The following CEP128 variants were observed in gnomAD, a reference collection of about 807,000 sequenced individuals.
CEP128 encodes the protein centrosomal protein 128, also known as centrosomal protein 128kDa.
Under a neutral mutation model 156.7 loss-of-function variants are expected in CEP128, and 132 were observed. That is an observed-to-expected ratio of 0.84 (90% CI 0.73 to 0.97). The LOEUF is 0.97. Ranked by LOEUF, CEP128 falls within the 50% of genes least tolerant of loss-of-function variation. The probability of loss-of-function intolerance (pLI) is 0.00; values close to 1 mark genes in which losing one functional copy is unlikely to be tolerated. For synonymous variants in CEP128, 469 were observed against 448.9 expected (o/e 1.04, Z -0.57); for missense variants, 1,252 against 1,281.9 (o/e 0.98, Z 0.36).
intron 19 of CEP128, among the ~76,000 whole-genome samples, chr14:80,669,662 T>G (rs986518125): frequency 5.3e-5 from 8 of 152,030 alleles, no homozygotes; most frequent in Admixed American, 2.6e-4. Context: ...AGTCAAAAAA[T>G]AGCAATGTTG....
intron 19 of CEP128, among the ~76,000 whole-genome samples, chr14:80,637,905 T>C (rs1894255328): frequency 6.6e-6 from 1 of 152,114 alleles, no homozygotes; most frequent in African/African-American, 2.4e-5. Context: ...ATGCCAGCAG[T>C]CACCAGATGC....
chr14:80,575,076 A>G (rs1413871436), intron 20 of CEP128, among the ~76,000 whole-genome samples: 1 of 149,694 alleles, frequency 6.7e-6, no homozygotes, highest in Admixed American at 6.7e-5. Flanking sequence ...ACATATTTTT[A>G]TATATTTTAT....
chr14:80,913,834 G>T (rs1884391523), intron 4 of CEP128, among the ~76,000 whole-genome samples: 1 of 152,106 alleles, frequency 6.6e-6, no homozygotes, highest in African/African-American at 2.4e-5. Context: ...ACACTATTTG[G>T]ATGACAGGTG....
At chr14:80,818,390 A>T (rs1884983365) in intron 13 of CEP128, among the ~76,000 whole-genome samples, 1 of 152,250 alleles carries the variant, frequency 6.6e-6, no homozygotes, top group Non-Finnish European at 1.5e-5. Flanking sequence ...ACAGATCAAC[A>T]AAAACTCAGA....
chr14:80,817,158 G>T (rs764524892), intron 13 of CEP128, among the ~76,000 whole-genome samples: 1 of 152,114 alleles, frequency 6.6e-6, no homozygotes, highest in African/African-American at 2.4e-5. Flanking sequence ...AGTGACATCA[G>T]TGGCTACACA....
At chr14:80,613,119 G>A (rs554710305) in intron 19 of CEP128, among the ~76,000 whole-genome samples, 1 of 150,250 alleles carries the variant, frequency 6.7e-6, no homozygotes, top group African/African-American at 2.5e-5. Flanking sequence ...GCCTCCCAAA[G>A]TGCTAGGATT....
chr14:80,747,464 A>C (rs944504182), intron 18 of CEP128, among the ~76,000 whole-genome samples: 1 of 152,208 alleles, frequency 6.6e-6, no homozygotes, highest in East Asian at 1.9e-4. Flanking sequence ...TGAAACTTGA[A>C]AACATTCTGC....
At chr14:80,743,973 G>A (rs921306224) in intron 18 of CEP128, among the ~76,000 whole-genome samples, 5 of 151,318 alleles carry the variant, frequency 3.3e-5, no homozygotes, top group African/African-American at 1.2e-4. Flanking sequence ...CTGGGCTCAA[G>A]CAATCCTCCT....
intron 16 of CEP128, among the ~76,000 whole-genome samples, chr14:80,764,909 T>C (rs1316382393): frequency 6.6e-6 from 1 of 152,226 alleles, no homozygotes; most frequent in African/African-American, 2.4e-5. Flanking sequence ...CATAGTGGTC[T>C]CCATTGTCTG....
chr14:80,692,253 T>C (rs576782428), intron 19 of CEP128, among the ~76,000 whole-genome samples: 25 of 152,178 alleles, frequency 1.6e-4, no homozygotes, highest in Admixed American at 2.6e-4. Flanking sequence ...TGCAGAAGTT[T>C]AGTTGGGTAA....
chr14:80,756,797 T>C, intron 18 of CEP128, 95 bp downstream of exon 18: 2 of 763,330 alleles, frequency 2.6e-6, no homozygotes, highest in Non-Finnish European at 4.5e-6. Context: ...TAGCTTCATA[T>C]GTTCAGTTAC....
At chr14:80,493,141 G>C (rs1887380769), downstream of CEP128, among the ~76,000 whole-genome samples, 1 of 152,166 alleles carries the variant, frequency 6.6e-6, no homozygotes, top group South Asian at 2.1e-4. Context: ...GCGACAAGTT[G>C]TGGGGTCCTA....
At chr14:80,705,282 T>TTGTGTGTG (rs150297420) in intron 19 of CEP128, among the ~76,000 whole-genome samples, 13 of 150,728 alleles carry the variant, frequency 8.6e-5, no homozygotes, top group Non-Finnish European at 1.8e-4. Flanking sequence ...TTTATTCCAC[T>TTGTGTGTG]TGTGTGTGTG....
intron 18 of CEP128, among the ~76,000 whole-genome samples, chr14:80,751,977 A>G (rs1899422815): frequency 6.6e-6 from 1 of 152,088 alleles, no homozygotes; most frequent in Non-Finnish European, 1.5e-5. Flanking sequence ...ATAGCTTCCA[A>G]TTAGGTGGGA....
chr14:80,582,028 G>A (rs2140451319), intron 19 of CEP128, among the ~76,000 whole-genome samples: 1 of 152,322 alleles, frequency 6.6e-6, no homozygotes, highest in Non-Finnish European at 1.5e-5. Context: ...TTGGAACCCT[G>A]TCACTGACAT....
intron 19 of CEP128, among the ~76,000 whole-genome samples, chr14:80,647,440 A>G (rs1042777458): frequency 6.6e-6 from 1 of 151,960 alleles, no homozygotes; most frequent in African/African-American, 2.4e-5. Flanking sequence ...TGGTTTTGAA[A>G]GCTGTGCTTT....
downstream of CEP128, among the ~76,000 whole-genome samples, chr14:80,491,543 T>C (rs1482866198): frequency 4.6e-5 from 7 of 152,348 alleles, no homozygotes; most frequent in South Asian, 2.1e-4. Context: ...TTCATTATGA[T>C]GGGAAGTTTC....
chr14:80,939,798 T>G (rs1175918712), intron 1 of CEP128, among the ~76,000 whole-genome samples: 4 of 152,128 alleles, frequency 2.6e-5, no homozygotes, highest in Admixed American at 1.3e-4. Context: ...CATGCTCCAG[T>G]GTGAACCGCA....
intron 23 of CEP128, among the ~76,000 whole-genome samples, chr14:80,520,438 AAAC>A (rs1431361322): frequency 7.6e-5 from 9 of 118,492 alleles, no homozygotes; most frequent in African/African-American, 2.4e-4. Context: ...ACAAACAAAC[AAAC>A]AAAAAACAAC....
Sources: allele counts gnomAD v4.1 joint callset (sites outside exome capture counted in the v4.1 genomes callset), GRCh38; gene constraint gnomAD v4.1.1; transcripts MANE v1.5; gene names NCBI Gene and HGNC (gene_info 2026-07-23, HGNC 2026-07-21).